The following HK1 variants were observed in gnomAD, a reference collection of about 807,000 sequenced individuals.
HK1 encodes the protein hexokinase 1, also known as hexokinase-1.
A neutral mutation model predicts 91.6 loss-of-function variants in HK1; 28 were observed. That is an observed-to-expected ratio of 0.31 (90% CI 0.23 to 0.42). The LOEUF (loss-of-function observed/expected upper bound fraction) is 0.42. Ranked by LOEUF, HK1 falls within the 10% of genes least tolerant of loss-of-function variation. HK1 has a pLI of 1.00. For missense variants in HK1, 770 were observed against 1,219.8 expected (o/e 0.63, Z 5.49); for synonymous variants, 430 against 468.1 (o/e 0.92, Z 1.05).
At chr10:69,357,054 T>TGAAGACATG (rs1211312122) in intron 2 of HK1, among the ~76,000 whole-genome samples, 1 of 152,208 alleles carries the variant, frequency 6.6e-6, no homozygotes, top group Non-Finnish European at 1.5e-5. Flanking sequence ...TAAGTGTTGA[T>TGAAGACATG]GAAGACATGG....
chr10:69,377,848 G>A (rs1017000531), intron 8 of HK1, among the ~76,000 whole-genome samples: 12 of 152,270 alleles, frequency 7.9e-5, no homozygotes, highest in African/African-American at 1.9e-4. Flanking sequence ...GTGCCCTGAC[G>A]TGCAAGTTTG....
In HK1 at chr10:69,369,138, G is replaced by T; in HGVS notation, c.592-99G>T. 1 of 827,108 alleles carries T rather than the reference G, an allele frequency of 1.2e-6. No homozygotes were observed. The allele number at this position is 827,108 out of a possible 1,614,324, so 51.2% of individuals were successfully genotyped here. ...AACCAGTACCACTCACAAAAGCAGG[G>T]GTTCTGAAAACGGGAGCACTTCTGC... On this transcript the variant is annotated intron_variant, in intron 5 of 17. Coordinates refer to ENST00000359426, the MANE Select transcript of HK1 (RefSeq NM_000188.3). This position sits in a 1 kb window ranked among gnomAD's most constrained non-coding sequence, Gnocchi z 4.4.
chr10:69,352,886 ATC>A (rs74459699), intron 2 of HK1, among the ~76,000 whole-genome samples: 2,856 of 152,292 alleles, frequency 0.019, 70 homozygotes, highest in East Asian at 0.095. Context: ...ATATTATTAT[ATC>A]TCAATAAAAC....
chr10:69,295,749 C>A, intron 4 of HK1: 1 of 999,704 alleles, frequency 1.0e-6, no homozygotes, highest in Non-Finnish European at 1.6e-6. Flanking sequence ...CGTGGCAATC[C>A]CCTTTGGGAT....
chr10:69,389,465 CT>C, intron 14 of HK1, 169 bp downstream of exon 14: 4 of 318,632 alleles, frequency 1.3e-5, no homozygotes, highest in Admixed American at 7.5e-5. Flanking sequence ...AGCAGAGTCT[CT>C]GGCGGGGGGA....
At chr10:69,392,825 G>C (rs1205254895) in intron 15 of HK1, among the ~76,000 whole-genome samples, 2 of 152,212 alleles carry the variant, frequency 1.3e-5, no homozygotes, top group Non-Finnish European at 2.9e-5. Context: ...CGGCCAGGAT[G>C]AGTTGGTCCA....
intron 2 of HK1, among the ~76,000 whole-genome samples, chr10:69,349,111 G>C (rs1191612806): frequency 6.6e-6 from 1 of 152,216 alleles, no homozygotes; most frequent in Non-Finnish European, 1.5e-5. Context: ...CAAGGTTTGA[G>C]ACCAAAGATT....
intron 1 of HK1, among the ~76,000 whole-genome samples, chr10:69,273,299 TCCA>T (rs1844269774): frequency 6.6e-6 from 1 of 152,130 alleles, no homozygotes; most frequent in Non-Finnish European, 1.5e-5. Context: ...AACTGCAGGC[TCCA>T]CCTCCGGAAT....
Position 69,384,716 on chromosome 10 carries a change from T to C in HK1, c.1720-80T>C, listed in dbSNP as rs953721264. On this transcript the variant is annotated intron_variant, in intron 11 of 17. Transcript: ENST00000359426. ...GGGTGTGTTTTCCTACGTGTGTGTG[T>C]GTATACACACTTTGGTCCATGTGCA... 1.8e-5 allele frequency: 28 copies of C among 1,577,724 alleles called. No homozygotes were observed. In the Admixed American group the frequency reaches 4.5e-4, roughly 25 times the overall value.
intron 4 of HK1, among the ~76,000 whole-genome samples, chr10:69,365,992 G>A (rs1399068122): frequency 6.6e-6 from 1 of 151,974 alleles, no homozygotes; most frequent in Non-Finnish European, 1.5e-5. Context: ...CACCATGTCC[G>A]GCTAATTTTT....
At chr10:69,371,622 C>T (rs1461335916) in intron 7 of HK1, among the ~76,000 whole-genome samples, 3 of 152,222 alleles carry the variant, frequency 2.0e-5, no homozygotes, top group Non-Finnish European at 2.9e-5. Context: ...GGGCATGCCA[C>T]TTGTGGTAAC....
chr10:69,271,327 T>A (rs1239179489), intron 1 of HK1, among the ~76,000 whole-genome samples: 2 of 152,036 alleles, frequency 1.3e-5, no homozygotes, highest in African/African-American at 2.4e-5. Flanking sequence ...TTTAAATGCA[T>A]AAAATACACA....
intron 2 of HK1, among the ~76,000 whole-genome samples, chr10:69,288,515 T>C (rs569736297): frequency 2.0e-5 from 3 of 152,278 alleles, no homozygotes; most frequent in South Asian, 2.1e-4. Flanking sequence ...GGAGAAACTT[T>C]ATGACATTTT....
intron 4 of HK1, 23 bp from the exon 5 acceptor site, chr10:69,368,513 G>A: frequency 6.2e-7 from 1 of 1,607,018 alleles, no homozygotes; most frequent in South Asian, 1.1e-5. Context: ...CCCTCATCCA[G>A]CCCCATCCAT....
chr10:69,277,345 A>T (rs1345882345), intron 1 of HK1, among the ~76,000 whole-genome samples: 1 of 152,060 alleles, frequency 6.6e-6, no homozygotes, highest in Non-Finnish European at 1.5e-5. Flanking sequence ...AGGCACGAGG[A>T]TTGCTTAAGG....
At chr10:69,317,961 A>G (rs1846734932), upstream of HK1, 1 of 813,760 alleles carries the variant, frequency 1.2e-6, no homozygotes, top group African/African-American at 1.9e-5. Context: ...AAAGTAGAAA[A>G]CACGGCACCT....
At chr10:69,294,245 G>C (rs1845442422) in intron 3 of HK1, among the ~76,000 whole-genome samples, 1 of 152,224 alleles carries the variant, frequency 6.6e-6, no homozygotes, top group African/African-American at 2.4e-5. Context: ...CAGTTCTGGA[G>C]TTGCTGTGAG....
At chr10:69,313,978 T>G (rs928461507), upstream of HK1, among the ~76,000 whole-genome samples, 1 of 152,090 alleles carries the variant, frequency 6.6e-6, no homozygotes, top group Non-Finnish European at 1.5e-5. Context: ...GGAGGCAGAC[T>G]GAGAATGTGA....
chr10:69,319,141 C>A (rs1480416810), intron 1 of HK1, 131 bp downstream of exon 1: 1 of 1,096,440 alleles, frequency 9.1e-7, no homozygotes, highest in Non-Finnish European at 1.4e-6. Context: ...GACTGCAGGG[C>A]GCAAGGAAAG....
Sources: gnomAD v4.1 joint callset for allele counts (sites outside exome capture counted in the v4.1 genomes callset) on GRCh38, gnomAD v4.1.1 for gene constraint, Gnocchi (gnomAD v3.1) non-coding constraint, MANE v1.5 for transcripts, NCBI Gene and HGNC (gene_info 2026-07-23, HGNC 2026-07-21) for gene names.